The following SYT16 variants were observed in gnomAD, a reference collection of about 807,000 sequenced individuals.
SYT16 encodes the protein synaptotagmin 16.
A neutral mutation model predicts 61.4 loss-of-function variants in SYT16; 42 were observed. The observed-to-expected ratio is 0.68, with a 90% CI of 0.53 to 0.89. The LOEUF (loss-of-function observed/expected upper bound fraction) is 0.89, where lower values mean the gene tolerates loss of function less well. Among genes scored for constraint, SYT16 ranks in the 40% least tolerant of loss-of-function variants. The pLI is 0.00. For missense variants in SYT16, 804 were observed against 807.3 expected (o/e 1.00, Z 0.05); for synonymous variants, 314 against 302.3 (o/e 1.04, Z -0.40).
intron 7 of SYT16, 72 bp from the exon 8 acceptor site, chr14:62,100,322 A>G: frequency 7.6e-7 from 1 of 1,319,660 alleles, no homozygotes; most frequent in Non-Finnish European, 1.0e-6. Flanking sequence ...TAAATGTTAC[A>G]GCTAGTCTAG....
chr14:61,902,648 G>A (rs1431654477), intron 1 of SYT16, among the ~76,000 whole-genome samples: 1 of 152,168 alleles, frequency 6.6e-6, no homozygotes, highest in Non-Finnish European at 1.5e-5. Flanking sequence ...TGGTTTGCTT[G>A]TTGTATCAGT....
intron 1 of SYT16, among the ~76,000 whole-genome samples, chr14:61,840,278 A>G (rs2046265402): frequency 6.6e-6 from 1 of 152,212 alleles, no homozygotes; most frequent in Non-Finnish European, 1.5e-5. Context: ...AAGGTGCGCT[A>G]TTGGAAATAC....
chr14:61,994,603 A>G (rs1274602268), intron 2 of SYT16, among the ~76,000 whole-genome samples: 1 of 152,176 alleles, frequency 6.6e-6, no homozygotes, highest in Non-Finnish European at 1.5e-5. Flanking sequence ...AAGGGAAGCC[A>G]TAGGACAAGT....
At chr14:61,961,544 T>C (rs1023430801) in intron 1 of SYT16, among the ~76,000 whole-genome samples, 3 of 152,130 alleles carry the variant, frequency 2.0e-5, no homozygotes, top group African/African-American at 7.2e-5. Context: ...ATTATATAAA[T>C]GCAAATCAAA....
At chr14:61,873,818 T>A (rs1238850668) in intron 1 of SYT16, among the ~76,000 whole-genome samples, 1 of 152,224 alleles carries the variant, frequency 6.6e-6, no homozygotes, top group African/African-American at 2.4e-5. Context: ...TCCTCTACCC[T>A]GTGGTCTTTT....
intron 1 of SYT16, among the ~76,000 whole-genome samples, chr14:61,814,956 G>C (rs140952415): frequency 7.1e-4 from 108 of 152,308 alleles, no homozygotes; most frequent in African/African-American, 2.5e-3. Flanking sequence ...CCCAGATACA[G>C]AATTCTTTAG....
intron 3 of SYT16, among the ~76,000 whole-genome samples, chr14:62,044,788 G>T (rs573538058): frequency 2.3e-4 from 35 of 152,252 alleles, no homozygotes; most frequent in African/African-American, 8.4e-4. Flanking sequence ...AGCATATGTG[G>T]GGGTTATGTC....
intron 2 of SYT16, among the ~76,000 whole-genome samples, chr14:61,981,232 T>A (rs964270084): frequency 6.6e-6 from 1 of 152,174 alleles, no homozygotes; most frequent in Non-Finnish European, 1.5e-5. Context: ...GTACACTGAT[T>A]TAATTATTAA....
chr14:61,915,643 G>A (rs987981430), intron 1 of SYT16, among the ~76,000 whole-genome samples: 2 of 152,080 alleles, frequency 1.3e-5, no homozygotes, highest in Non-Finnish European at 2.9e-5. Flanking sequence ...ACCATGATGA[G>A]CAATTGTTTT....
At chr14:62,029,969 CT>C (rs1485660254) in intron 3 of SYT16, among the ~76,000 whole-genome samples, 3 of 151,688 alleles carry the variant, frequency 2.0e-5, no homozygotes, top group Admixed American at 2.0e-4. Flanking sequence ...GATTTTTTTT[CT>C]TTTGGAAATT....
intron 7 of SYT16, among the ~76,000 whole-genome samples, chr14:62,093,870 CAG>C (rs1324897273): frequency 1.3e-5 from 2 of 152,076 alleles, no homozygotes; most frequent in Admixed American, 6.6e-5. Flanking sequence ...CCTGCTGACT[CAG>C]GGGCTTCACA....
chr14:61,848,423 A>G (rs988373237), intron 1 of SYT16, among the ~76,000 whole-genome samples: 7 of 145,644 alleles, frequency 4.8e-5, no homozygotes, highest in African/African-American at 7.6e-5. Context: ...AAACAAAAGG[A>G]GTCTCTCTCT....
chr14:61,890,940 G>A (rs758330472), intron 1 of SYT16, among the ~76,000 whole-genome samples: 1 of 152,072 alleles, frequency 6.6e-6, no homozygotes. Flanking sequence ...GAAATATTCT[G>A]GGGAAATAAA....
At chr14:61,944,885 A>G (rs2050358587) in intron 1 of SYT16, among the ~76,000 whole-genome samples, 4 of 152,222 alleles carry the variant, frequency 2.6e-5, no homozygotes, top group Admixed American at 2.6e-4. Flanking sequence ...AAAATAAACA[A>G]ATGGGATTAA....
At chr14:61,999,897 A>G (rs974569253) in intron 3 of SYT16, among the ~76,000 whole-genome samples, 1 of 151,722 alleles carries the variant, frequency 6.6e-6, no homozygotes, top group Non-Finnish European at 1.5e-5. Context: ...GTTTTATTCC[A>G]TTATGGCTTG....
intron 3 of SYT16, among the ~76,000 whole-genome samples, chr14:62,015,822 G>A (rs1410306468): frequency 6.6e-6 from 1 of 152,170 alleles, no homozygotes; most frequent in African/African-American, 2.4e-5. Flanking sequence ...ATAAATTTCT[G>A]TTGTCCATGA....
chr14:61,989,296 C>T (rs1182079510), intron 2 of SYT16, among the ~76,000 whole-genome samples: 4 of 152,106 alleles, frequency 2.6e-5, no homozygotes, highest in African/African-American at 4.8e-5. Flanking sequence ...GCTTTAAAAA[C>T]ATTGTCTGTG....
chr14:61,996,629 G>C (rs1437611219), intron 3 of SYT16, 87 bp downstream of exon 3: 1 of 1,475,272 alleles, frequency 6.8e-7, no homozygotes, highest in African/African-American at 1.4e-5. Flanking sequence ...GTTATCATGT[G>C]GATTTTATTT....
intron 1 of SYT16, among the ~76,000 whole-genome samples, chr14:61,881,605 A>C (rs1244767320): frequency 6.6e-6 from 1 of 152,164 alleles, no homozygotes; most frequent in Non-Finnish European, 1.5e-5. Flanking sequence ...CCTTCTCTTC[A>C]CCTAGACTCT....
Sources: allele counts gnomAD v4.1 joint callset (sites outside exome capture counted in the v4.1 genomes callset), GRCh38; gene constraint gnomAD v4.1.1; transcripts MANE v1.5; gene names NCBI Gene and HGNC (gene_info 2026-07-23, HGNC 2026-07-21).